Variants in PRR12 observed in about 807,000 individuals in gnomAD.
The protein encoded by PRR12 is proline-rich protein 12.
PRR12 carries 12 observed loss-of-function variants against 138.0 expected under a neutral mutation model. The ratio of observed to expected loss-of-function variants is 0.09; its 90% CI spans 0.06 to 0.14. PRR12 has a LOEUF of 0.14. Among genes scored for constraint, PRR12 ranks in the 10% least tolerant of loss-of-function variants. The probability of loss-of-function intolerance (pLI) is 1.00; values close to 1 mark genes in which losing one functional copy is unlikely to be tolerated. For synonymous variants in PRR12, 1,567 were observed against 1,291.7 expected (o/e 1.21, Z -4.57); for missense variants, 2,692 against 2,861.3 (o/e 0.94, Z 1.35).
intron 6 of PRR12, among the ~76,000 whole-genome samples, chr19:49,604,845 T>C (rs771570359): frequency 1.6e-4 from 25 of 152,070 alleles, no homozygotes; most frequent in Middle Eastern, 3.2e-3. Context: ...TCCTTCTGAT[T>C]GGGGATTTCT....
chr19:49,593,298 AC>A, intron 1 of PRR12, 28 bp from the exon 2 acceptor site: 4 of 1,121,822 alleles, frequency 3.6e-6, no homozygotes, highest in East Asian at 2.7e-5. Context: ...GCTTGGAAGA[AC>A]CCCCTGACGT....
At chr19:49,623,229 G>A (rs866065809) in intron 11 of PRR12, among the ~76,000 whole-genome samples, 18 of 152,116 alleles carry the variant, frequency 1.2e-4, no homozygotes, top group Non-Finnish European at 2.2e-4. Flanking sequence ...TGTTAGGCTG[G>A]CACTGAGGAT....
At position 49,595,560 on chromosome 19, in the gene PRR12, C is replaced by A; in HGVS notation, c.1225C>A (p.Pro409Thr). 1.3e-6 allele frequency: 2 copies of A among 1,589,440 alleles called. No homozygotes were observed. Among genetic ancestry groups the A allele is most frequent in the Non-Finnish European group, 1.7e-6 (2 of 1,169,076 alleles). ...AAGGATRPPP[P>T]RSTATPKCQS... ...CGGGGGTGCCACCAGGCCCCCCCCA[C>A]CCCGTTCGACCGCCACCCCCAAATG... The change falls in exon 4 of 14, where the codon CCC becomes ACC. Residue 409 changes from proline (P) to threonine (T), a missense_variant. Transcript: ENST00000418929.
Position 49,597,720 on chromosome 19 carries a change from C to A in PRR12, c.3385C>A (p.Arg1129Ser). 1 of 1,607,648 alleles carries A rather than the reference C, an allele frequency of 6.2e-7. No homozygotes were observed. The highest frequency in any genetic ancestry group is 2.2e-5 in the East Asian group (1 of 44,664). Residue 1129 changes from arginine (R) to serine (S), a missense_variant, in exon 4 of 14, where the codon CGC (arginine) becomes AGC (serine). Coordinates refer to ENST00000418929, the MANE Select transcript of PRR12 (RefSeq NM_020719.3). This position sits in a 1 kb window ranked among gnomAD's most constrained non-coding sequence, Gnocchi z 6.3. The stretch of plus-strand genomic sequence containing the variant: ...CTTGCCTGACCTGGTCTCCAGCTGC[C>A]GCTCCCGTCCGGCCCTCTCGCCACT... ...RRLPDLVSSCRSRPALSPLGD... is the reference protein window; with the variant it reads ...RRLPDLVSSCSSRPALSPLGD...
intron 6 of PRR12, among the ~76,000 whole-genome samples, chr19:49,610,546 AT>A (rs922178889): frequency 1.3e-3 from 155 of 121,518 alleles, no homozygotes; most frequent in South Asian, 1.3e-3. Context: ...CCCTGTTCCT[AT>A]TTTTTTTTTT....
chr19:49,596,567 C>G lies in PRR12; in HGVS notation c.2232C>G (p.Thr744=). The G allele has an allele frequency of 6.2e-7, 1 of 1,602,246 alleles. No individual in the cohort carries two copies. Among genetic ancestry groups the G allele is most frequent in the Non-Finnish European group, 8.5e-7 (1 of 1,175,158 alleles). ...GCGAGACCCCCGAGGGGCTGGCCAC[C>G]TCTGTTGTCCACTACGGGGCAGGCG... ...RGGETPEGLA[T]SVVHYGAGAK... is the part of the protein sequence containing the mutation. Residue 744 remains threonine (T), a synonymous_variant, in exon 4 of 14, where the codon ACC becomes ACG. Coordinates refer to ENST00000418929, the MANE Select transcript of PRR12 (RefSeq NM_020719.3). The surrounding 1 kb of genome is among the most constrained non-coding windows in gnomAD (Gnocchi z 5.6).
Position 49,597,693 on chromosome 19 carries a change from C to T in PRR12, c.3358C>T (p.Arg1120Cys), listed in dbSNP as rs759842954. 2 of 1,606,218 alleles carry T rather than the reference C, an allele frequency of 1.2e-6. No individual in the cohort carries two copies. Among genetic ancestry groups the T allele is most frequent in the Non-Finnish European group, 1.7e-6 (2 of 1,177,510 alleles). ...CGCCGACATCCGCCTCAACCCCCGG[C>T]GCTTGCCTGACCTGGTCTCCAGCTG... ...VPADIRLNPR[R>C]LPDLVSSCRS... Residue 1120 changes from arginine to cysteine, a missense_variant, in exon 4 of 14, where the codon CGC becomes TGC. Around this residue, in one of 11 missense-constraint regions of PRR12, gnomAD observed 6 missense variants for 19.6 expected, o/e 0.31. Transcript: ENST00000418929. This position sits in a 1 kb window ranked among gnomAD's most constrained non-coding sequence, Gnocchi z 6.3.
intron 6 of PRR12, among the ~76,000 whole-genome samples, chr19:49,602,256 C>G (rs1241825269): frequency 6.6e-6 from 1 of 152,082 alleles, no homozygotes; most frequent in African/African-American, 2.4e-5. Context: ...CAGTACTGTA[C>G]AAGCAGATGA....
rs1290485227 is a variant in PRR12 at position 49,597,098 on chromosome 19, C to G, written c.2763C>G (p.Thr921=). The G allele has an allele frequency of 6.4e-7, 1 of 1,551,366 alleles. No homozygotes were observed. The highest frequency in any genetic ancestry group is 8.7e-7 in the Non-Finnish European group (1 of 1,147,646). Residue 921 remains threonine (T), a synonymous_variant, in exon 4 of 14, where the codon ACC becomes ACG. Coordinates refer to ENST00000418929, the MANE Select transcript of PRR12 (RefSeq NM_020719.3). The surrounding 1 kb of genome is among the most constrained non-coding windows in gnomAD (Gnocchi z 6.3). ...GAYRSPSPQG[T]KAPRFVPLTS... Reference sequence around the variant, plus strand: ...ACCGCAGCCCCAGCCCGCAAGGCACCAAGGCGCCGCGTTTCGTGCCGCTCA... The same window carrying G: ...ACCGCAGCCCCAGCCCGCAAGGCACGAAGGCGCCGCGTTTCGTGCCGCTCA...
In PRR12 at chr19:49,616,087, G is replaced by A. The variant is rs2080891582; in HGVS notation, c.5365G>A (p.Val1789Met). The A allele has an allele frequency of 9.6e-6, 15 of 1,570,070 alleles. No homozygotes were observed. The highest frequency in any genetic ancestry group is 1.3e-5 in the Non-Finnish European group (15 of 1,158,246). Residue 1789 changes from valine to methionine, a missense_variant, in exon 9 of 14, where the codon GTG becomes ATG. Physicochemically the swap from Val to Met is conservative, Grantham distance 21. Coordinates refer to ENST00000418929, the MANE Select transcript of PRR12 (RefSeq NM_020719.3). The surrounding 1 kb of genome is among the most constrained non-coding windows in gnomAD (Gnocchi z 4.2). ...SRLPKARPTKVKAEPPPKKRK... is the reference protein window; with the variant it reads ...SRLPKARPTKMKAEPPPKKRK... ...GCTGCCCAAAGCCCGGCCTACCAAG[G>A]TGAAGGCTGAACCGCCCCCTAAGAA... is the stretch of plus-strand genomic sequence containing the variant.
chr19:49,622,928 T>TATAGAGAGAG (rs1320368074), intron 11 of PRR12, among the ~76,000 whole-genome samples: 6 of 77,760 alleles, frequency 7.7e-5, no homozygotes, highest in Admixed American at 2.6e-4. Context: ...TATATATATA[T>TATAGAGAGAG]AGAGAGAGAG....
In PRR12 at chr19:49,616,957, C is replaced by T. The variant is rs936006357; in HGVS notation, c.5497+738C>T. On this transcript the variant is annotated intron_variant, in intron 9 of 13. Coordinates refer to ENST00000418929, the MANE Select transcript of PRR12 (RefSeq NM_020719.3). This position sits in a 1 kb window ranked among gnomAD's most constrained non-coding sequence, Gnocchi z 4.2. ...CAGCCTGACCAACATGGTGAAATCC[C>T]GGCTTTACTAAAAAATACAAAAATT... Among the ~76,000 whole-genome samples, 4 of 151,920 alleles carry T rather than the reference C, an allele frequency of 2.6e-5. No homozygotes were observed. Among genetic ancestry groups the T allele is most frequent in the Non-Finnish European group, 5.9e-5 (4 of 68,000 alleles).
chr19:49,614,743 A>C lies in PRR12; in HGVS notation c.4890+94A>C. 5 of 1,486,234 alleles carry C rather than the reference A, an allele frequency of 3.4e-6. No individual in the cohort carries two copies. The highest frequency in any genetic ancestry group is 4.6e-6 in the Non-Finnish European group (5 of 1,089,188). The allele number at this position is 1,486,234 out of a possible 1,614,324, so 92.1% of individuals were successfully genotyped here. A position where few individuals can be genotyped will look rare whatever the true frequency, so the allele number is the denominator to read the frequency against. On this transcript the variant is annotated intron_variant, in intron 7 of 13. Coordinates refer to ENST00000418929, the MANE Select transcript of PRR12 (RefSeq NM_020719.3). This position sits in a 1 kb window ranked among gnomAD's most constrained non-coding sequence, Gnocchi z 5.0. ...TTAGTGTGGCTGTGACTCACTCCAC[A>C]GTGTATCTGGAAGGGGGCCCCCTGC...
At position 49,598,020 on chromosome 19, in the gene PRR12, G is replaced by T; in HGVS notation, c.3678+7G>T. ...GCCCCTGAAGCCACTTAAGGTGAGG[G>T]GAAATGGGGTCTTGTAGGGGATAGG... On this transcript the variant is annotated splice_region_variant and intron_variant, in intron 4 of 13. Transcript: ENST00000418929. 2 of 1,360,050 alleles carry T rather than the reference G, an allele frequency of 1.5e-6. No individual in the cohort carries two copies. The highest frequency in any genetic ancestry group is 5.8e-5 in the East Asian group (2 of 34,422). The allele number at this position is 1,360,050 out of a possible 1,614,324, so 84.2% of individuals were successfully genotyped here.
Position 49,595,050 on chromosome 19 carries a change from C to T in PRR12, c.715C>T (p.Arg239Cys), listed in dbSNP as rs1289825710. ...PGPPDPPPPP[R>C]HLPTQFNLLA... ...CCCCCCAGACCCACCACCACCTCCT[C>T]GCCACCTCCCAACTCAGTTCAACCT... The change falls in exon 4 of 14, where the codon CGC (arginine) becomes TGC (cysteine). Residue 239 changes from arginine to cysteine, a missense_variant. Coordinates refer to ENST00000418929, the MANE Select transcript of PRR12 (RefSeq NM_020719.3). 7 of 1,610,492 alleles carry T rather than the reference C, an allele frequency of 4.3e-6. No individual in the cohort carries two copies. The highest frequency in any genetic ancestry group is 2.2e-5 in the East Asian group (1 of 44,804).
intron 6 of PRR12, among the ~76,000 whole-genome samples, chr19:49,607,037 C>G (rs1366853796): frequency 6.6e-6 from 1 of 151,680 alleles, no homozygotes; most frequent in Non-Finnish European, 1.5e-5. Flanking sequence ...GGCCAAAGTG[C>G]TGTAATCTCA....
intron 10 of PRR12, 24 bp downstream of exon 10, chr19:49,620,501 G>T (rs369838353): frequency 1.4e-4 from 212 of 1,543,284 alleles, no homozygotes; most frequent in Middle Eastern, 5.1e-4. Flanking sequence ...TGGGGAGGAG[G>T]GGGGGGGGCT....
rs1364647460 is a variant in PRR12 at position 49,624,904 on chromosome 19, G to C, written c.5782G>C (p.Glu1928Gln). The C allele has an allele frequency of 6.2e-7, 1 of 1,609,360 alleles. No individual in the cohort carries two copies. Among genetic ancestry groups the C allele is most frequent in the African/African-American group, 1.3e-5 (1 of 74,816 alleles). ...GCAGAGTGGGGAGGGCTCTCCGGAAGAGGGGGCTGTGCGGCTGCGGCCTGC... is the reference window on the plus strand; with the variant it reads ...GCAGAGTGGGGAGGGCTCTCCGGAACAGGGGGCTGTGCGGCTGCGGCCTGC... Reference protein sequence around the residue: ...VEQSGEGSPEEGAVRLRPAGE... With the variant: ...VEQSGEGSPEQGAVRLRPAGE... The change falls in exon 12 of 14, where the codon GAG becomes CAG. Residue 1928 changes from glutamate (E) to glutamine (Q), a missense_variant. By Grantham distance (29) the Glu-to-Gln change is conservative (BLOSUM62 2). Coordinates refer to ENST00000418929, the MANE Select transcript of PRR12 (RefSeq NM_020719.3).
Position 49,625,571 on chromosome 19 carries a change from G to T in PRR12, c.6075G>T (p.Leu2025=). ...AGCTCTTTGACTCCTTCAGTGACCT[G>T]CTGGCCCAAGCACAGGCCCACAGCC... is the stretch of plus-strand genomic sequence containing the variant. ...LEQLFDSFSD[L]LAQAQAHSRC... Residue 2025 remains leucine (L), a synonymous_variant, in exon 14 of 14, where the codon CTG becomes CTT. Coordinates refer to ENST00000418929, the MANE Select transcript of PRR12 (RefSeq NM_020719.3). This position sits in a 1 kb window ranked among gnomAD's most constrained non-coding sequence, Gnocchi z 5.5. The T allele has an allele frequency of 6.2e-7, 1 of 1,611,768 alleles. No individual in the cohort carries two copies. The highest frequency in any genetic ancestry group is 2.2e-5 in the East Asian group (1 of 44,856).
Sources: allele counts gnomAD v4.1 joint callset (sites outside exome capture counted in the v4.1 genomes callset), GRCh38; gene constraint gnomAD v4.1.1; regional missense constraint gnomAD v4.1.1; non-coding constraint Gnocchi (gnomAD v3.1); transcripts MANE v1.5; gene names NCBI Gene and HGNC (gene_info 2026-07-23, HGNC 2026-07-21).